Variants in AIFM1 observed in about 807,000 individuals in gnomAD.
AIFM1 encodes apoptosis inducing factor mitochondria associated 1.
In AIFM1, 3 loss-of-function variants were observed where a neutral mutation model predicts 51.7. The observed-to-expected ratio is 0.06, with a 90% confidence interval of 0.03 to 0.15. The LOEUF (loss-of-function observed/expected upper bound fraction) is 0.15. AIFM1 is among the 10% of genes least tolerant of loss of function. The pLI is 1.00. For missense variants in AIFM1, 330 were observed against 476.8 expected, an observed-to-expected ratio of 0.69 and a Z score of 2.87; for synonymous variants, 178 against 179.4, an observed-to-expected ratio of 0.99 and a Z score of 0.06.
chrX:130,161,796 G>A (rs769019965), intron 1 of AIFM1, among the ~76,000 whole-genome samples: 2 of 109,872 alleles, frequency 1.8e-5, no homozygotes, highest in African/African-American at 3.3e-5. Flanking sequence ...TAGTAGAGAC[G>A]GGGTTTCTCC....
At chrX:130,136,965 T>C in intron 10 of AIFM1, 113 bp downstream of exon 10, 1 of 1,188,087 alleles carries the variant, frequency 8.4e-7, no homozygotes, top group South Asian at 1.8e-5. Context: ...GTGGAAACAT[T>C]TTACAGGCCA....
At chrX:130,150,307 T>C (rs2030915375) in intron 2 of AIFM1, among the ~76,000 whole-genome samples, 1 of 107,335 alleles carries the variant, frequency 9.3e-6, no homozygotes, top group African/African-American at 3.4e-5. Flanking sequence ...TAACATACAG[T>C]ACCAGAGTTT....
At chrX:130,129,879 G>A in intron 15 of AIFM1, 91 bp downstream of exon 15, 2 of 1,069,123 alleles carry the variant, frequency 1.9e-6, no homozygotes, top group Non-Finnish European at 2.6e-6. Flanking sequence ...CTGGCCGGGG[G>A]ACAATGCATC....
intron 2 of AIFM1, among the ~76,000 whole-genome samples, chrX:130,153,888 G>A (rs1359950968): frequency 1.8e-5 from 2 of 112,031 alleles, no homozygotes; most frequent in African/African-American, 3.2e-5. Flanking sequence ...TCAGTCCGTG[G>A]TGTTTTGTTA....
rs12559753 is a variant in AIFM1 at position 130,145,673 on chromosome X, C to T, written c.606-104G>A. ...TTCCATTATCAGAAACTTTAAGGGA[C>T]GTTTTCCAAAGTAAGTCTCCAAGTC... is the stretch of plus-strand genomic sequence containing the variant. On this transcript the variant is annotated intron_variant, in intron 5 of 15. Transcript: ENST00000287295. 0.15 allele frequency: 92,897 copies of T among 626,216 alleles called. 5,826 individuals carry two copies. Among genetic ancestry groups the T allele is most frequent in the Non-Finnish European group, 0.17 (67,134 of 391,917 alleles). The allele number at this position is 626,216 out of a possible 1,213,427, so 51.6% of individuals were successfully genotyped here.
At chrX:130,129,845 T>C (rs749526948) in intron 15 of AIFM1, 125 bp downstream of exon 15, 1 of 912,039 alleles carries the variant, frequency 1.1e-6, no homozygotes, top group South Asian at 2.0e-5. Flanking sequence ...GCTATACCTT[T>C]GTTCTGCTCA....
intron 2 of AIFM1, among the ~76,000 whole-genome samples, chrX:130,152,119 A>C (rs1168267646): frequency 9.0e-6 from 1 of 111,220 alleles, no homozygotes; most frequent in East Asian, 2.8e-4. Context: ...AAGAGAAAAG[A>C]AAAGAAAAAA....
chrX:130,138,284 T>C (rs1425485892), intron 9 of AIFM1, among the ~76,000 whole-genome samples: 1 of 109,748 alleles, frequency 9.1e-6, no homozygotes, highest in Non-Finnish European at 1.9e-5. Flanking sequence ...GCTAACACGG[T>C]GAAACCCCAT....
intron 6 of AIFM1, 101 bp downstream of exon 6, chrX:130,145,378 A>C: frequency 1.5e-6 from 1 of 658,686 alleles, no homozygotes; most frequent in Non-Finnish European, 2.5e-6. Flanking sequence ...GATGAACTAC[A>C]ATGGCAGGAC....
chrX:130,137,558 T>G, intron 9 of AIFM1: 1 of 1,161,980 alleles, frequency 8.6e-7, no homozygotes, highest in Non-Finnish European at 1.1e-6. Context: ...CTAGTTGCCA[T>G]GAAACATTCC....
intron 14 of AIFM1, among the ~76,000 whole-genome samples, chrX:130,130,983 A>G (rs1230898338): frequency 8.9e-6 from 1 of 112,776 alleles, no homozygotes; most frequent in East Asian, 2.7e-4. Flanking sequence ...ACATATCCAT[A>G]TAATGTCTTG....
rs778775732 is a variant in AIFM1, at chrX:130,165,701, C to A, written c.-45G>T. On this transcript the variant is annotated 5_prime_UTR_variant, in exon 1 of 16. Transcript: ENST00000287295. ...GACCTCCTCCTTCCCTTTCCTCTCA[C>A]GCACGACCGACGGGTCAAACACCGT... is the stretch of plus-strand genomic sequence containing the variant. 4 of 1,076,883 alleles carry A rather than the reference C, an allele frequency of 3.7e-6. No homozygotes were observed. In the South Asian group the frequency reaches 5.9e-5, roughly 16 times the overall value. The allele number at this position is 1,076,883 out of a possible 1,213,427, so 88.7% of individuals were successfully genotyped here. A position where few individuals can be genotyped will look rare whatever the true frequency, so the allele number is the denominator to read the frequency against.
chrX:130,137,819 T>C (rs1027663809), intron 9 of AIFM1: 1 of 854,948 alleles, frequency 1.2e-6, no homozygotes, highest in Non-Finnish European at 1.4e-6. Flanking sequence ...TCCCAGCACT[T>C]TGGGTGGCCG....
intron 12 of AIFM1, among the ~76,000 whole-genome samples, chrX:130,134,518 C>T (rs1485256320): frequency 9.0e-6 from 1 of 110,998 alleles, no homozygotes; most frequent in Non-Finnish European, 1.9e-5. Context: ...TTATGTTGTC[C>T]GGGTTGCTGA....
rs1603218806 is a variant in AIFM1, at chrX:130,130,015, C to T, written c.1725G>A (p.Gly575=). 8.3e-7 allele frequency: 1 copy of T among 1,211,689 alleles called. No individual in the cohort carries two copies. Among genetic ancestry groups the T allele is most frequent in the Non-Finnish European group, 1.1e-6 (1 of 895,499 alleles). Residue 575 remains glycine (G), a synonymous_variant, in exon 15 of 16, where the codon GGG becomes GGA. Transcript: ENST00000287295. ...IFYLRDKVVV[G]IVLWNIFNRM... Reference sequence around the variant, plus strand: ...GGTTAAAGATGTTCCATAGCACAATCCCCACGACCACTTTGTCCCTGAGGT... The same window carrying T: ...GGTTAAAGATGTTCCATAGCACAATTCCCACGACCACTTTGTCCCTGAGGT...
At chrX:130,150,582 G>A (rs772723332) in intron 2 of AIFM1, among the ~76,000 whole-genome samples, 2 of 105,567 alleles carry the variant, frequency 1.9e-5, no homozygotes, top group African/African-American at 3.4e-5. Flanking sequence ...TGATCTGCCC[G>A]CCTCGGCCTC....
At chrX:130,165,412 T>C in intron 1 of AIFM1, 139 bp downstream of exon 1, 1 of 554,050 alleles carries the variant, frequency 1.8e-6, no homozygotes, top group Non-Finnish European at 3.2e-6. Context: ...GACTCAGGGT[T>C]CGGAGTCTGC....
At position 130,151,353 on chromosome X, in the gene AIFM1, C is replaced by A. The variant is rs1433869495; in HGVS notation, c.250-1785G>T. On this transcript the variant is annotated intron_variant, in intron 2 of 15. Coordinates refer to ENST00000287295, the MANE Select transcript of AIFM1 (RefSeq NM_004208.4). ...GTGGGGTTTCACTATGTTGGCCAGGCTGGTCTTGAACTCCTGACCTTGTGA... is the reference window on the plus strand; with the variant it reads ...GTGGGGTTTCACTATGTTGGCCAGGATGGTCTTGAACTCCTGACCTTGTGA... Among the ~76,000 whole-genome samples, 3 of 110,846 alleles carry A rather than the reference C, an allele frequency of 2.7e-5. No homozygotes were observed. The East Asian group carries it at 8.5e-4, about 31-fold the overall frequency.
At chrX:130,139,654 G>T (rs1292267063) in intron 8 of AIFM1, 141 bp downstream of exon 8, 3 of 558,705 alleles carry the variant, frequency 5.4e-6, no homozygotes, top group African/African-American at 4.5e-5. Context: ...GAAGTGACTT[G>T]TTCAAGGCCA....
Sources: allele counts gnomAD v4.1 joint callset (sites outside exome capture counted in the v4.1 genomes callset), GRCh38; gene constraint gnomAD v4.1.1; transcripts MANE v1.5; gene names NCBI Gene and HGNC (gene_info 2026-07-23, HGNC 2026-07-21).